The following DENND6A variants were observed in gnomAD, a reference collection of about 807,000 sequenced individuals.
DENND6A encodes the protein protein DENND6A.
DENND6A carries 43 observed loss-of-function variants against 95.5 expected under a neutral mutation model. The ratio of observed to expected loss-of-function variants is 0.45; its 90% CI spans 0.35 to 0.58. The LOEUF (loss-of-function observed/expected upper bound fraction) is 0.58. Ranked by LOEUF, DENND6A falls within the 20% of genes least tolerant of loss-of-function variation. The pLI is 0.00. For synonymous variants in DENND6A, 257 were observed against 260.4 expected (o/e 0.99, Z 0.13); for missense variants, 574 against 736.0 (o/e 0.78, Z 2.55).
intron 12 of DENND6A, among the ~76,000 whole-genome samples, chr3:57,637,997 G>A (rs1225089199): frequency 6.6e-6 from 1 of 151,710 alleles, no homozygotes; most frequent in African/African-American, 2.4e-5. Context: ...AGCTGAGTGT[G>A]GTGGCGCACA....
intron 18 of DENND6A, chr3:57,630,214 T>C (rs2070635128): frequency 8.4e-6 from 4 of 475,502 alleles, no homozygotes; most frequent in African/African-American, 2.0e-5. Context: ...ATAACACACC[T>C]ACCTCAAAGA....
At chr3:57,652,503 T>A (rs1443872489) in intron 9 of DENND6A, among the ~76,000 whole-genome samples, 2 of 152,184 alleles carry the variant, frequency 1.3e-5, no homozygotes, top group South Asian at 2.1e-4. Context: ...CCTAAGCAGC[T>A]CCCAGATTTC....
Position 57,655,091 on chromosome 3 carries a change from TG to T in DENND6A, c.818+2588del, listed in dbSNP as rs372850399. Among the ~76,000 whole-genome samples, 212 of 152,132 alleles carry T rather than the reference TG, an allele frequency of 1.4e-3. 1 individual carries two copies. The highest frequency in any genetic ancestry group is 4.8e-3 in the African/African-American group (201 of 41,502). On this transcript the variant is annotated intron_variant, in intron 9 of 19. Coordinates refer to ENST00000311128, the MANE Select transcript of DENND6A (RefSeq NM_152678.3). ...TTCTGTTGCCCAGGCTGGAGTGCAG[TG>T]GCACGATCTCAGCTCACTGCAACCT...
At chr3:57,655,138 A>G (rs2071298875) in intron 9 of DENND6A, among the ~76,000 whole-genome samples, 2 of 151,982 alleles carry the variant, frequency 1.3e-5, no homozygotes, top group Non-Finnish European at 2.9e-5. Flanking sequence ...GGTTCAAGCA[A>G]TTCTCCTGCC....
chr3:57,661,451 TCC>T lies in DENND6A; in HGVS notation c.612_613del (p.Glu205SerfsTer4). On this transcript the variant is annotated frameshift_variant, in exon 6 of 20. Coordinates refer to ENST00000311128, the MANE Select transcript of DENND6A (RefSeq NM_152678.3). LOFTEE classifies it high-confidence loss of function. Reference sequence around the variant, plus strand: ...AAGGTATATGTTAAACTTACCTGCTTCCAAATAAGGTTCATTCTTTTCAAAAT... The same window carrying T: ...AAGGTATATGTTAAACTTACCTGCTTAAATAAGGTTCATTCTTTTCAAAAT... The T allele has an allele frequency of 6.4e-7, 1 of 1,561,768 alleles. No homozygotes were observed. The highest frequency in any genetic ancestry group is 8.6e-7 in the Non-Finnish European group (1 of 1,165,754).
intron 11 of DENND6A, among the ~76,000 whole-genome samples, chr3:57,643,141 A>G (rs1031985405): frequency 6.6e-6 from 1 of 152,166 alleles, no homozygotes; most frequent in African/African-American, 2.4e-5. Flanking sequence ...GGAGCAATAG[A>G]AAGAAGATAA....
chr3:57,671,529 C>CA (rs903037390), intron 3 of DENND6A, among the ~76,000 whole-genome samples: 2,078 of 114,982 alleles, frequency 0.018, 28 homozygotes, highest in African/African-American at 0.055. Flanking sequence ...GACTCCATCT[C>CA]AAAAAAAAAA....
intron 1 of DENND6A, among the ~76,000 whole-genome samples, chr3:57,672,950 G>T (rs1354362295): frequency 1.3e-5 from 2 of 151,722 alleles, no homozygotes; most frequent in Non-Finnish European, 2.9e-5. Context: ...TGAAATCCAG[G>T]CCAGGCATAT....
Position 57,657,737 on chromosome 3 carries a change from TGAGA to T in DENND6A, c.763-6_763-3del, listed in dbSNP as rs1324524881. On this transcript the variant is annotated splice_region_variant and splice_polypyrimidine_tract_variant and intron_variant, in intron 8 of 19. Transcript: ENST00000311128. ...AATAACAGATATATTTGTGTCCACC[TGAGA>T]GATAGAAAAGAAAAATAAAAGAAGG... The T allele has an allele frequency of 1.3e-6, 2 of 1,570,370 alleles. No individual in the cohort carries two copies. Among genetic ancestry groups the T allele is most frequent in the East Asian group, 4.5e-5 (2 of 44,112 alleles).
chr3:57,668,780 T>C lies in DENND6A; in HGVS notation c.320-2545A>G, dbSNP rs142350020. ...GAAATAAAGGCTTGATTTATGTCTC[T>C]TTCCTAAAGACTGCTCTACTGTGTC... is the stretch of plus-strand genomic sequence containing the variant. On this transcript the variant is annotated intron_variant, in intron 3 of 19. Transcript: ENST00000311128. Among the ~76,000 whole-genome samples, 101 of 152,366 alleles carry C rather than the reference T, an allele frequency of 6.6e-4. 1 individual carries two copies. Among genetic ancestry groups the C allele is most frequent in the African/African-American group, 2.3e-3 (94 of 41,582 alleles).
chr3:57,644,979 G>C (rs1011098053), intron 11 of DENND6A, among the ~76,000 whole-genome samples: 1 of 151,750 alleles, frequency 6.6e-6, no homozygotes. Flanking sequence ...AGTGGAGATC[G>C]TACATGCAGA....
intron 1 of DENND6A, among the ~76,000 whole-genome samples, chr3:57,683,437 C>T (rs2077183690): frequency 6.6e-6 from 1 of 152,150 alleles, no homozygotes; most frequent in Non-Finnish European, 1.5e-5. Context: ...CAGTTAGAAA[C>T]CCTACCTTCA....
At chr3:57,669,822 G>A (rs1278484095) in intron 3 of DENND6A, among the ~76,000 whole-genome samples, 2 of 151,752 alleles carry the variant, frequency 1.3e-5, no homozygotes, top group African/African-American at 4.8e-5. Context: ...GGGAGTTCAT[G>A]ACCAGCCTGG....
intron 1 of DENND6A, among the ~76,000 whole-genome samples, chr3:57,690,260 C>T (rs1287325936): frequency 6.6e-6 from 1 of 152,110 alleles, no homozygotes; most frequent in Non-Finnish European, 1.5e-5. Context: ...AATCCCAGCA[C>T]TTTGGGAGGC....
rs772248930 is a variant in DENND6A, at chr3:57,641,728, C to T, written c.1057G>A (p.Val353Ile). The change falls in exon 12 of 20, where the codon GTA becomes ATA. Residue 353 changes from valine to isoleucine, a missense_variant. Coordinates refer to ENST00000311128, the MANE Select transcript of DENND6A (RefSeq NM_152678.3). ...TQAPPSVILG[V>I]TNPFFAKTLQ... Reference sequence around the variant, plus strand: ...GTCTTAGCAAAAAAAGGGTTGGTTACTCCTAATATAACTGAGGGCCTATAA... The same window carrying T: ...GTCTTAGCAAAAAAAGGGTTGGTTATTCCTAATATAACTGAGGGCCTATAA... The T allele has an allele frequency of 3.1e-6, 5 of 1,612,874 alleles. No individual in the cohort carries two copies. Among genetic ancestry groups the T allele is most frequent in the Non-Finnish European group, 4.2e-6 (5 of 1,179,502 alleles).
chr3:57,692,698 C>T (rs2077280583), intron 1 of DENND6A, 84 bp downstream of exon 1: 5 of 1,266,286 alleles, frequency 3.9e-6, no homozygotes, highest in East Asian at 6.3e-5. Flanking sequence ...GGGTCCTGGC[C>T]GGTCAGCCCG....
intron 9 of DENND6A, among the ~76,000 whole-genome samples, chr3:57,649,327 T>C (rs1299385230): frequency 6.6e-6 from 1 of 152,122 alleles, no homozygotes; most frequent in Non-Finnish European, 1.5e-5. Context: ...CCTGCAAGAA[T>C]AGCCATAATC....
At chr3:57,649,668 G>GTATA (rs111378604) in intron 9 of DENND6A, among the ~76,000 whole-genome samples, 2 of 150,330 alleles carry the variant, frequency 1.3e-5, no homozygotes, top group East Asian at 1.9e-4. Context: ...TTGTATGTGT[G>GTATA]TATATATATA....
intron 9 of DENND6A, among the ~76,000 whole-genome samples, chr3:57,656,282 T>C (rs1449919611): frequency 6.6e-6 from 1 of 152,210 alleles, no homozygotes; most frequent in Non-Finnish European, 1.5e-5. Context: ...TCAGTATCTT[T>C]AAATTATCTG....
Sources: allele counts gnomAD v4.1 joint callset (sites outside exome capture counted in the v4.1 genomes callset), GRCh38; gene constraint gnomAD v4.1.1; transcripts MANE v1.5; gene names NCBI Gene and HGNC (gene_info 2026-07-23, HGNC 2026-07-21).